Variants in KAT2B observed in about 807,000 individuals in gnomAD.
KAT2B encodes the protein histone acetyltransferase KAT2B.
A neutral mutation model predicts 105.9 loss-of-function variants in KAT2B; 36 were observed. The observed-to-expected ratio is 0.34, with a 90% CI of 0.26 to 0.45. The LOEUF (loss-of-function observed/expected upper bound fraction) is 0.45. Ranked by LOEUF, KAT2B falls within the 20% of genes least tolerant of loss-of-function variation. The pLI, the probability that KAT2B is intolerant of heterozygous loss-of-function variation, is 1.00. For missense variants in KAT2B, 820 were observed against 1,021.6 expected (o/e 0.80, Z 2.69); for synonymous variants, 397 against 377.9 (o/e 1.05, Z -0.59).
At chr3:20,078,155 G>C (rs1698452463) in intron 2 of KAT2B, among the ~76,000 whole-genome samples, 1 of 152,128 alleles carries the variant, frequency 6.6e-6, no homozygotes, top group Non-Finnish European at 1.5e-5. Flanking sequence ...ACTCCAGCCT[G>C]GGTGGCAGAG....
At chr3:20,067,861 G>A (rs1235025155) in intron 1 of KAT2B, among the ~76,000 whole-genome samples, 1 of 151,846 alleles carries the variant, frequency 6.6e-6, no homozygotes, top group Non-Finnish European at 1.5e-5. Context: ...TTTTAATAGA[G>A]ATGGGGTCTT....
At chr3:20,119,178 G>A (rs980218714) in intron 7 of KAT2B, among the ~76,000 whole-genome samples, 1 of 151,648 alleles carries the variant, frequency 6.6e-6, no homozygotes. Context: ...TTTTGAGACT[G>A]TATAAATATC....
rs202132144 is a variant in KAT2B, at chr3:20,111,760, G to A, written c.1016G>A (p.Arg339Gln). ...AAAGATAAACTGCCTCTTGAAAAACGAACTCTAATCCTCACTCATTTCCCA... is the reference window on the plus strand; with the variant it reads ...AAAGATAAACTGCCTCTTGAAAAACAAACTCTAATCCTCACTCATTTCCCA... ...QEKDKLPLEK[R>Q]TLILTHFPKF... The change falls in exon 6 of 18, where the codon CGA becomes CAA. Residue 339 changes from arginine to glutamine, a missense_variant. By Grantham distance (43) the Arg-to-Gln change is conservative (BLOSUM62 1). Coordinates refer to ENST00000263754, the MANE Select transcript of KAT2B (RefSeq NM_003884.5). 72 of 1,613,682 alleles carry A rather than the reference G, an allele frequency of 4.5e-5. No homozygotes were observed. The highest frequency in any genetic ancestry group is 1.6e-4 in the Middle Eastern group (1 of 6,076).
intron 2 of KAT2B, among the ~76,000 whole-genome samples, chr3:20,093,668 A>G (rs1158396473): frequency 6.6e-6 from 1 of 152,182 alleles, no homozygotes; most frequent in Non-Finnish European, 1.5e-5. Flanking sequence ...CTTTAAAAGA[A>G]CGAGGAAAAA....
intron 13 of KAT2B, among the ~76,000 whole-genome samples, chr3:20,143,426 T>C (rs1462036366): frequency 6.6e-6 from 1 of 152,096 alleles, no homozygotes; most frequent in Non-Finnish European, 1.5e-5. Context: ...GCTTATACAC[T>C]CTTGGTGGGA....
intron 1 of KAT2B, among the ~76,000 whole-genome samples, chr3:20,052,976 T>A (rs972141555): frequency 6.6e-6 from 1 of 151,834 alleles, no homozygotes; most frequent in African/African-American, 2.4e-5. Context: ...GACTCCGTCT[T>A]CAAAAAAGAA....
chr3:20,069,647 T>A (rs1340680973), intron 1 of KAT2B, among the ~76,000 whole-genome samples: 1 of 151,474 alleles, frequency 6.6e-6, no homozygotes, highest in East Asian at 2.0e-4. Flanking sequence ...TGCCTCAGCC[T>A]CCTGAGTAGT....
At position 20,060,942 on chromosome 3, in the gene KAT2B, A is replaced by AAAC. The variant is rs146487562; in HGVS notation, c.304-11367_304-11365dup. ...GGCAACAGAGTGAGACCCTGTCTCA[A>AAAC]AACAACAACAACAACAACAACAACA... On this transcript the variant is annotated intron_variant, in intron 1 of 17. Transcript: ENST00000263754. Among the ~76,000 whole-genome samples, 662 of 151,546 alleles carry AAAC rather than the reference A, an allele frequency of 4.4e-3. 2 individuals carry two copies. The highest frequency in any genetic ancestry group is 0.014 in the African/African-American group (583 of 41,252).
intron 4 of KAT2B, 28 bp from the exon 5 acceptor site, chr3:20,101,259 T>C: frequency 3.8e-6 from 6 of 1,599,984 alleles, no homozygotes; most frequent in Non-Finnish European, 5.1e-6. Flanking sequence ...CATAGCTGCA[T>C]GAAGAAATTG....
intron 4 of KAT2B, chr3:20,100,976 T>G (rs1698899924): frequency 2.9e-6 from 1 of 347,952 alleles, no homozygotes; most frequent in African/African-American, 2.1e-5. Context: ...ACAACAGTCA[T>G]ATTTTCTTGT....
chr3:20,106,959 G>GTGTATATATATATATATATA (rs1699016948), intron 5 of KAT2B, among the ~76,000 whole-genome samples: 1 of 48,654 alleles, frequency 2.1e-5, no homozygotes, highest in Non-Finnish European at 3.1e-5. Context: ...TGAATTTTAT[G>GTGTATATATATATATATATA]TGTATATATA....
intron 1 of KAT2B, among the ~76,000 whole-genome samples, chr3:20,067,584 G>A (rs1318152088): frequency 6.6e-6 from 1 of 152,186 alleles, no homozygotes; most frequent in African/African-American, 2.4e-5. Context: ...TTACTTGTTA[G>A]CATGCATCTC....
rs56091316 is a variant in KAT2B, at chr3:20,149,495, C to CAAAAAAAAAAA, written c.2305+1023_2305+1033dup. Among the ~76,000 whole-genome samples, 302 of 42,418 alleles carry CAAAAAAAAAAA rather than the reference C, an allele frequency of 7.1e-3. 33 individuals carry two copies. In the East Asian group the frequency reaches 0.088, roughly 12 times the overall value. 27.8% of individuals were successfully genotyped at this position (42,418 alleles called of 152,430 possible). A position where few individuals can be genotyped will look rare whatever the true frequency, so the allele number is the denominator to read the frequency against. Reference sequence around the variant, plus strand: ...TGGGCACTGGAGGGAGACCGTATCTCAAAAAAAAAAAAAAAAAAAAAAAAA... The same window carrying CAAAAAAAAAAA: ...TGGGCACTGGAGGGAGACCGTATCTCAAAAAAAAAAAAAAAAAAAAAAAAAAAAAAAAAAAA... On this transcript the variant is annotated intron_variant, in intron 17 of 17. Transcript: ENST00000263754.
At position 20,061,866 on chromosome 3, in the gene KAT2B, T is replaced by C. The variant is rs1247604269; in HGVS notation, c.304-10467T>C. Among the ~76,000 whole-genome samples, 17 of 112,444 alleles carry C rather than the reference T, an allele frequency of 1.5e-4. No homozygotes were observed. The East Asian group carries it at 4.4e-3, about 29-fold the overall frequency. The allele number at this position is 112,444 out of a possible 152,430, so 73.8% of individuals were successfully genotyped here. ...TAAAATATATATAATATACATAAAA[T>C]ATATAATATATTTGTATAAAATATG... is the stretch of plus-strand genomic sequence containing the variant. On this transcript the variant is annotated intron_variant, in intron 1 of 17. Transcript: ENST00000263754.
chr3:20,063,437 CTTTCTTTTTT>C (rs1698171367), intron 1 of KAT2B, among the ~76,000 whole-genome samples: 1 of 140,884 alleles, frequency 7.1e-6, no homozygotes, highest in South Asian at 2.2e-4. Context: ...TTCTTTCTTT[CTTTCTTTTTT>C]TTTCTTTTGA....
chr3:20,072,477 C>T lies in KAT2B; in HGVS notation c.430+18C>T. On this transcript the variant is annotated intron_variant, in intron 2 of 17. Transcript: ENST00000263754. Reference sequence around the variant, plus strand: ...TGCCCTAGGTGAGTTCCTAAATCTTCAAGGAAAGTATAACGAGTTCATTGT... The same window carrying T: ...TGCCCTAGGTGAGTTCCTAAATCTTTAAGGAAAGTATAACGAGTTCATTGT... 1 of 1,611,242 alleles carries T rather than the reference C, an allele frequency of 6.2e-7. No individual in the cohort carries two copies. Among genetic ancestry groups the T allele is most frequent in the Admixed American group, 1.7e-5 (1 of 59,996 alleles).
At chr3:20,133,052 T>C (rs769328397) in intron 11 of KAT2B, among the ~76,000 whole-genome samples, 1 of 152,258 alleles carries the variant, frequency 6.6e-6, no homozygotes, top group Non-Finnish European at 1.5e-5. Flanking sequence ...GAAATAATTT[T>C]TAATTATGTA....
At chr3:20,081,714 AATG>A (rs1009220848) in intron 2 of KAT2B, among the ~76,000 whole-genome samples, 30 of 152,070 alleles carry the variant, frequency 2.0e-4, no homozygotes, top group African/African-American at 7.2e-4. Context: ...AGGATTCTTT[AATG>A]ATCAAATTCA....
intron 14 of KAT2B, chr3:20,146,671 A>T (rs35895255): frequency 4.7e-5 from 9 of 192,480 alleles, no homozygotes; most frequent in African/African-American, 1.3e-4. Flanking sequence ...CCACCACTTA[A>T]TGAGTCTGCC....
Sources: allele counts gnomAD v4.1 joint callset (sites outside exome capture counted in the v4.1 genomes callset), GRCh38; gene constraint gnomAD v4.1.1; transcripts MANE v1.5; gene names NCBI Gene and HGNC (gene_info 2026-07-23, HGNC 2026-07-21).